The following KIF6 variants were observed in gnomAD, a reference collection of about 807,000 sequenced individuals.
KIF6 encodes kinesin-like protein KIF6.
In KIF6, 106 loss-of-function variants were observed where a neutral mutation model predicts 112.7. The ratio of observed to expected loss-of-function variants is 0.94; its 90% CI spans 0.80 to 1.11. The LOEUF is 1.11. Among genes scored for constraint, KIF6 ranks in the 50% least tolerant of loss-of-function variants. The pLI is 0.00. For missense variants in KIF6, 929 were observed against 964.0 expected (o/e 0.96, Z 0.48); for synonymous variants, 339 against 339.9 (o/e 1.00, Z 0.03).
At chr6:39,529,732 A>T (rs956217627) in intron 13 of KIF6, among the ~76,000 whole-genome samples, 1 of 152,188 alleles carries the variant, frequency 6.6e-6, no homozygotes, top group Non-Finnish European at 1.5e-5. Context: ...GCTTGCAGTG[A>T]GCCAAGATCA....
intron 13 of KIF6, among the ~76,000 whole-genome samples, chr6:39,480,344 C>T (rs1057089777): frequency 2.6e-5 from 4 of 151,902 alleles, no homozygotes; most frequent in South Asian, 2.1e-4. Flanking sequence ...GTTTATATGG[C>T]GTATCATATT....
intron 3 of KIF6, among the ~76,000 whole-genome samples, chr6:39,665,644 T>G (rs1366800028): frequency 2.0e-5 from 3 of 152,066 alleles, no homozygotes; most frequent in Admixed American, 6.6e-5. Context: ...TGCACAGATC[T>G]GTCCAGAAGA....
chr6:39,477,046 GA>G (rs1774469471), intron 13 of KIF6, among the ~76,000 whole-genome samples: 2 of 152,172 alleles, frequency 1.3e-5, no homozygotes, highest in African/African-American at 2.4e-5. Flanking sequence ...GAGGGATACA[GA>G]AATGATGAAG....
intron 14 of KIF6, among the ~76,000 whole-genome samples, chr6:39,430,163 GCTT>G (rs1771054299): frequency 6.6e-6 from 1 of 151,920 alleles, no homozygotes. Context: ...TCTTCTTTAT[GCTT>G]CTTCTCAGTC....
At chr6:39,405,626 A>G (rs1174637158) in intron 15 of KIF6, among the ~76,000 whole-genome samples, 1 of 152,124 alleles carries the variant, frequency 6.6e-6, no homozygotes, top group Non-Finnish European at 1.5e-5. Flanking sequence ...ATTTGTGTAT[A>G]TTTATGGGGG....
chr6:39,635,807 T>C (rs1002746950), intron 4 of KIF6, among the ~76,000 whole-genome samples: 1 of 152,052 alleles, frequency 6.6e-6, no homozygotes. Flanking sequence ...ATACAAAATA[T>C]CAAACAATAG....
intron 16 of KIF6, among the ~76,000 whole-genome samples, chr6:39,376,640 G>A (rs560351036): frequency 1.3e-5 from 2 of 152,210 alleles, no homozygotes; most frequent in Non-Finnish European, 2.9e-5. Context: ...GGGAAAGAAA[G>A]ACAATCTGTC....
At chr6:39,535,242 G>T (rs573120491) in intron 13 of KIF6, among the ~76,000 whole-genome samples, 3,464 of 152,262 alleles carry the variant, frequency 0.023, 63 homozygotes, top group Non-Finnish European at 0.033. Flanking sequence ...TGGACTAAAT[G>T]CTCCAATTAA....
intron 12 of KIF6, among the ~76,000 whole-genome samples, chr6:39,541,628 C>T (rs1372586235): frequency 2.0e-5 from 3 of 152,182 alleles, no homozygotes; most frequent in African/African-American, 4.8e-5. Flanking sequence ...ACGAAGCAGA[C>T]GTCCTACTGG....
At chr6:39,433,899 C>G (rs1386291858) in intron 13 of KIF6, among the ~76,000 whole-genome samples, 1 of 152,196 alleles carries the variant, frequency 6.6e-6, no homozygotes, top group East Asian at 1.9e-4. Flanking sequence ...AGCTCATGCG[C>G]AGCTCCTTTG....
Position 39,471,480 on chromosome 6 carries a change from G to A in KIF6, c.1646-40319C>T, listed in dbSNP as rs930173498. Among the ~76,000 whole-genome samples the A allele has an allele frequency of 4.6e-5, 7 of 152,238 alleles. No homozygotes were observed. The South Asian group carries it at 1.0e-3, about 23-fold the overall frequency. Reference sequence around the variant, plus strand: ...ACAGGGCCAGCGCTCGACACTCTACGTCTTGGATTTTATTTAACTGTGGTC... The same window carrying A: ...ACAGGGCCAGCGCTCGACACTCTACATCTTGGATTTTATTTAACTGTGGTC... On this transcript the variant is annotated intron_variant, in intron 13 of 22. Transcript: ENST00000287152.
chr6:39,413,236 A>G (rs1050423193), intron 15 of KIF6, among the ~76,000 whole-genome samples: 1 of 152,116 alleles, frequency 6.6e-6, no homozygotes, highest in Non-Finnish European at 1.5e-5. Context: ...TTTTTCCAGG[A>G]TAAAGAAGTC....
chr6:39,695,393 T>C (rs995005125), intron 3 of KIF6, among the ~76,000 whole-genome samples: 3 of 152,130 alleles, frequency 2.0e-5, no homozygotes, highest in Non-Finnish European at 4.4e-5. Flanking sequence ...GAAGAAAATA[T>C]TTGTAAACTA....
chr6:39,468,950 G>T, intron 13 of KIF6, among the ~76,000 whole-genome samples: 1 of 152,026 alleles, frequency 6.6e-6, no homozygotes, highest in East Asian at 1.9e-4. Context: ...AAAGGAGGGG[G>T]TGGAAGCAAA....
At chr6:39,568,741 G>A (rs1186500785) in intron 10 of KIF6, among the ~76,000 whole-genome samples, 1 of 151,874 alleles carries the variant, frequency 6.6e-6, no homozygotes, top group Admixed American at 6.6e-5. Context: ...AGTAGAGATG[G>A]GGTTTCACCA....
intron 6 of KIF6, among the ~76,000 whole-genome samples, chr6:39,609,041 T>C (rs2150711765): frequency 6.6e-6 from 1 of 152,258 alleles, no homozygotes; most frequent in East Asian, 1.9e-4. Context: ...ATTTTACAGG[T>C]TAGAAAGTAC....
intron 10 of KIF6, among the ~76,000 whole-genome samples, chr6:39,558,694 T>C (rs1052549551): frequency 6.6e-6 from 1 of 152,176 alleles, no homozygotes; most frequent in African/African-American, 2.4e-5. Context: ...AACTTTCTAA[T>C]TTAGAAGCAA....
chr6:39,460,755 C>G (rs1469952790), intron 13 of KIF6, among the ~76,000 whole-genome samples: 1 of 152,100 alleles, frequency 6.6e-6, no homozygotes, highest in Non-Finnish European at 1.5e-5. Flanking sequence ...TGACAAAATA[C>G]TCACTTCTGC....
In KIF6 at chr6:39,632,106, T is replaced by G. The variant is rs1023554098; in HGVS notation, c.509+2743A>C. ...TTTAGTTTAGTGCCCTGACATAATA[T>G]ATACAAAATCCACAGACAGTTTTAT... On this transcript the variant is annotated intron_variant, in intron 5 of 22. Transcript: ENST00000287152. Among the ~76,000 whole-genome samples the G allele has an allele frequency of 2.6e-5, 4 of 152,198 alleles. No individual in the cohort carries two copies. The East Asian group carries it at 7.7e-4, about 29-fold the overall frequency.
Sources: allele counts gnomAD v4.1 joint callset (sites outside exome capture counted in the v4.1 genomes callset), GRCh38; gene constraint gnomAD v4.1.1; transcripts MANE v1.5; gene names NCBI Gene and HGNC (gene_info 2026-07-23, HGNC 2026-07-21).